Variants in ERCC6 observed in about 807,000 individuals in gnomAD.
ERCC6 encodes DNA excision repair protein ERCC-6.
Under a neutral mutation model 158.7 loss-of-function variants are expected in ERCC6, and 116 were observed. The ratio of observed to expected loss-of-function variants is 0.73; its 90% CI spans 0.63 to 0.85. ERCC6 has a LOEUF of 0.85. ERCC6 is among the 40% of genes least tolerant of loss of function. ERCC6 has a pLI of 0.00. For missense variants in ERCC6, 1,698 were observed against 1,799.4 expected, an observed-to-expected ratio of 0.94 and a Z score of 1.02; for synonymous variants, 678 against 659.3, an observed-to-expected ratio of 1.03 and a Z score of -0.43.
At chr10:49,537,342 CAAAA>C (rs368235215) in intron 1 of ERCC6, among the ~76,000 whole-genome samples, 4 of 86,732 alleles carry the variant, frequency 4.6e-5, no homozygotes, top group Admixed American at 1.1e-4. Flanking sequence ...GACTCCGTCT[CAAAA>C]AAAAAAAAAA....
At position 49,532,571 on chromosome 10, in the gene ERCC6, CCTT is replaced by C. The variant is rs1351169835; in HGVS notation, c.391_393del (p.Lys131del). The C allele has an allele frequency of 6.2e-6, 10 of 1,614,086 alleles. No individual in the cohort carries two copies. The highest frequency in any genetic ancestry group is 2.2e-5 in the East Asian group (1 of 44,902). ...AGGTCATCCAGGACCGACCGATACT[CCTT>C]CTCCACGTCAACGAGCTGGGAGGCA... On this transcript the variant is annotated inframe_deletion, in exon 2 of 21. Transcript: ENST00000355832.
At position 49,506,954 on chromosome 10, in the gene ERCC6, A is replaced by T. The variant is rs373071717; in HGVS notation, c.1398-942T>A. 7.9e-5 allele frequency among the ~76,000 whole-genome samples: 12 copies of T among 152,090 alleles called. 1 individual carries two copies. Among genetic ancestry groups the T allele is most frequent in the Admixed American group, 5.9e-4 (9 of 15,248 alleles). On this transcript the variant is annotated intron_variant, in intron 5 of 20. Transcript: ENST00000355832. The stretch of plus-strand genomic sequence containing the variant: ...ATACAGAGAAATGCTTTCAAACTAC[A>T]ATAAAAAAAAAACTCATAGGAAGCG...
At chr10:49,440,155 T>G in the ERCC6 span, among the ~76,000 whole-genome samples, 1 of 152,322 alleles carries the variant, frequency 6.6e-6, no homozygotes, top group Admixed American at 6.5e-5. Context: ...ACTGTATTAG[T>G]CCATTTTCAT....
chr10:49,527,851 CACACACACACAT>C (rs1837376616), intron 4 of ERCC6, among the ~76,000 whole-genome samples: 1 of 152,204 alleles, frequency 6.6e-6, no homozygotes, highest in Non-Finnish European at 1.5e-5. Flanking sequence ...AATTTGTACA[CACACACACACAT>C]ACACACACAC....
chr10:49,473,332 G>A lies in ERCC6; in HGVS notation c.2709+145C>T, dbSNP rs982135648. On this transcript the variant is annotated intron_variant, in intron 14 of 20. Transcript: ENST00000355832. Reference sequence around the variant, plus strand: ...CAAATATCCAGAAGTAGGGCATAGAGTTAAAAACAACAAGTCTCCCCTTAG... The same window carrying A: ...CAAATATCCAGAAGTAGGGCATAGAATTAAAAACAACAAGTCTCCCCTTAG... 2.1e-5 allele frequency: 16 copies of A among 756,954 alleles called. No homozygotes were observed. The Middle Eastern group carries it at 1.6e-3, about 75-fold the overall frequency. 46.9% of individuals were successfully genotyped at this position (756,954 alleles called of 1,614,324 possible).
At chr10:49,493,633 A>T (rs1851214875) in intron 7 of ERCC6, among the ~76,000 whole-genome samples, 2 of 152,324 alleles carry the variant, frequency 1.3e-5, no homozygotes, top group South Asian at 4.1e-4. Flanking sequence ...ATAGAATCTT[A>T]AATTTGTCTG....
Position 49,483,419 on chromosome 10 carries a change from C to CA in ERCC6, c.1918dup (p.Trp640LeufsTer42), listed in dbSNP as rs868743941. On this transcript the variant is annotated frameshift_variant, in exon 9 of 21. Transcript: ENST00000355832. LOFTEE classifies it high-confidence loss of function. ...TCCTTCGTCCAAGATCACATAGTGC[C>CA]AGTCATACCTGCTAATGTCATCCTG... The CA allele has an allele frequency of 6.8e-6, 11 of 1,614,138 alleles. No homozygotes were observed. The highest frequency in any genetic ancestry group is 9.3e-6 in the Non-Finnish European group (11 of 1,179,992).
intron 8 of ERCC6, among the ~76,000 whole-genome samples, chr10:49,487,830 T>C (rs562753780): frequency 6.6e-6 from 1 of 152,352 alleles, no homozygotes; most frequent in African/African-American, 2.4e-5. Context: ...CAGGAAGATG[T>C]ATTAATGATT....
intron 10 of ERCC6, among the ~76,000 whole-genome samples, chr10:49,480,494 C>G (rs1049337795): frequency 1.3e-5 from 2 of 152,086 alleles, no homozygotes; most frequent in African/African-American, 4.8e-5. Context: ...CAAATACAAC[C>G]AATACTCTGC....
At position 49,522,891 on chromosome 10, in the gene ERCC6, T is replaced by C. The variant is rs144975232; in HGVS notation, c.1397+1142A>G. Among the ~76,000 whole-genome samples the C allele has an allele frequency of 9.2e-5, 14 of 152,238 alleles. No individual in the cohort carries two copies. In the East Asian group the frequency reaches 2.7e-3, roughly 29 times the overall value. ...CTCATCTGTGCATTACTACATAAGG[T>C]GCTACTAGAATGTGAGTGCCGCAAC... On this transcript the variant is annotated intron_variant, in intron 5 of 20. Transcript: ENST00000355832.
At chr10:49,469,123 C>T (rs1210807287) in intron 18 of ERCC6, among the ~76,000 whole-genome samples, 1 of 152,190 alleles carries the variant, frequency 6.6e-6, no homozygotes, top group Non-Finnish European at 1.5e-5. Context: ...AGGAAAGAAT[C>T]ATCAATAGAT....
intron 5 of ERCC6, among the ~76,000 whole-genome samples, chr10:49,508,750 A>G (rs1459005419): frequency 6.6e-6 from 1 of 152,164 alleles, no homozygotes; most frequent in East Asian, 1.9e-4. Context: ...TGTAGCCAAA[A>G]TAGACCTGAC....
In ERCC6 at chr10:49,461,453, C is replaced by T. The variant is rs762027586; in HGVS notation, c.3882G>A (p.Leu1294=). ...AEANRVAQDA[L]KALRLSRQRC... The stretch of plus-strand genomic sequence containing the variant: ...GCTGACGAGAGAGCCTCAGTGCTTT[C>T]AGGGCATCCTGGGCCACTCGGTTGG... The change falls in exon 19 of 21, where the codon CTG becomes CTA. Residue 1294 remains leucine, a synonymous_variant. Coordinates refer to ENST00000355832, the MANE Select transcript of ERCC6 (RefSeq NM_000124.4). 4 of 1,614,074 alleles carry T rather than the reference C, an allele frequency of 2.5e-6. No homozygotes were observed. In the African/African-American group the frequency reaches 4.0e-5, roughly 16 times the overall value.
intron 16 of ERCC6, 38 bp from the exon 17 acceptor site, chr10:49,471,158 G>A: frequency 6.2e-7 from 1 of 1,604,580 alleles, no homozygotes; most frequent in South Asian, 1.1e-5. Flanking sequence ...AAAACAATGT[G>A]TAGCTCTACC....
intron 10 of ERCC6, 116 bp downstream of exon 10, chr10:49,482,571 T>C (rs2132551421): frequency 2.6e-6 from 2 of 755,028 alleles, no homozygotes; most frequent in Non-Finnish European, 4.1e-6. Context: ...CAGATACCAA[T>C]TTATGAGCCT....
At position 49,482,712 on chromosome 10, in the gene ERCC6, C is replaced by A; in HGVS notation, c.2144G>T (p.Gly715Val). 6.2e-7 allele frequency: 1 copy of A among 1,613,522 alleles called. No individual in the cohort carries two copies. The highest frequency in any genetic ancestry group is 1.1e-5 in the South Asian group (1 of 91,048). The change falls in exon 10 of 21, where the codon GGA becomes GTA. Residue 715 changes from glycine (G) to valine (V), a missense_variant. Physicochemically the swap from Gly to Val is moderately radical, Grantham distance 109. Transcript: ENST00000355832. ...EQFSVPITMG[G>V]YSNASPVQVK... The stretch of plus-strand genomic sequence containing the variant: ...CTGTACTGGGGAAGCATTTGAATAT[C>A]CCCCCATGGTGATGGGGACGGAGAA...
chr10:49,486,706 G>A (rs542766493), intron 8 of ERCC6, among the ~76,000 whole-genome samples: 76 of 152,232 alleles, frequency 5.0e-4, no homozygotes, highest in Non-Finnish European at 1.0e-3. Context: ...CAGACCAACA[G>A]AACAAACCAA....
intron 18 of ERCC6, among the ~76,000 whole-genome samples, chr10:49,463,424 T>A (rs892819405): frequency 5.3e-5 from 8 of 152,052 alleles, no homozygotes; most frequent in Non-Finnish European, 1.2e-4. Context: ...GCAATAAAAA[T>A]TGCTAAAGGA....
chr10:49,466,915 A>G (rs945057741), intron 18 of ERCC6, among the ~76,000 whole-genome samples: 3 of 152,022 alleles, frequency 2.0e-5, no homozygotes, highest in Non-Finnish European at 2.9e-5. Flanking sequence ...CTTCCCAAGT[A>G]GCTGGGATTC....
Sources: allele counts gnomAD v4.1 joint callset (sites outside exome capture counted in the v4.1 genomes callset), GRCh38; gene constraint gnomAD v4.1.1; transcripts MANE v1.5; gene names NCBI Gene and HGNC (gene_info 2026-07-23, HGNC 2026-07-21).